The following LCLAT1 variants were observed in gnomAD, a reference collection of about 807,000 sequenced individuals.
LCLAT1 encodes the protein 1-AGP acyltransferase 8.
In LCLAT1, 11 loss-of-function variants were observed where a neutral mutation model predicts 30.7. The ratio of observed to expected loss-of-function variants is 0.36; its 90% CI spans 0.23 to 0.59. The LOEUF (loss-of-function observed/expected upper bound fraction) is 0.59. LCLAT1 is among the 20% of genes least tolerant of loss of function. The pLI is 0.77. For missense variants in LCLAT1, 402 were observed against 458.6 expected, an observed-to-expected ratio of 0.88 and a Z score of 1.13; for synonymous variants, 155 against 151.3, an observed-to-expected ratio of 1.02 and a Z score of -0.18.
Position 30,643,624 on chromosome 2 carries a change from A to G in LCLAT1, c.*3005A>G, listed in dbSNP as rs931690157. The G allele has an allele frequency of 9.8e-5, 15 of 152,668 alleles. No homozygotes were observed. Among genetic ancestry groups the G allele is most frequent in the African/African-American group, 3.1e-4 (13 of 41,532 alleles). The allele number at this position is 152,668 out of a possible 1,614,324, so 9.5% of individuals were successfully genotyped here. A position where few individuals can be genotyped will look rare whatever the true frequency, so the allele number is the denominator to read the frequency against. ...CCAAGACTCTGAACTCTGCAGAAAC[A>G]TTTGTTTCACCCAGACTTCAAACTC... On this transcript the variant is annotated 3_prime_UTR_variant, in exon 6 of 6. Transcript: ENST00000379509.
chr2:30,478,718 C>T (rs1306359525), intron 1 of LCLAT1, among the ~76,000 whole-genome samples: 1 of 145,430 alleles, frequency 6.9e-6, no homozygotes, highest in South Asian at 2.1e-4. Context: ...TAGGTAGATA[C>T]ATAAATTTAA....
chr2:30,505,995 G>C (rs761290427), intron 1 of LCLAT1, among the ~76,000 whole-genome samples: 3 of 152,004 alleles, frequency 2.0e-5, no homozygotes, highest in African/African-American at 4.8e-5. Context: ...GAATTACCAG[G>C]CTTGTTTATT....
At chr2:30,630,794 G>C (rs537176076) in intron 5 of LCLAT1, among the ~76,000 whole-genome samples, 18 of 152,172 alleles carry the variant, frequency 1.2e-4, no homozygotes, top group Admixed American at 6.5e-5. Flanking sequence ...CCTCATATGA[G>C]CCAAAATGTA....
intron 5 of LCLAT1, chr2:30,606,026 G>A: frequency 7.7e-7 from 1 of 1,299,084 alleles, no homozygotes; most frequent in Non-Finnish European, 1.0e-6. Context: ...GCAGGAGGCA[G>A]AGCGAGGGAA....
intron 1 of LCLAT1, among the ~76,000 whole-genome samples, chr2:30,507,134 A>G (rs1245357524): frequency 6.6e-6 from 1 of 152,054 alleles, no homozygotes; most frequent in Non-Finnish European, 1.5e-5. Context: ...CTTTAATTTT[A>G]TGTATTTGAT....
At chr2:30,535,432 C>T (rs1384526092) in intron 3 of LCLAT1, among the ~76,000 whole-genome samples, 3 of 152,218 alleles carry the variant, frequency 2.0e-5, no homozygotes, top group Non-Finnish European at 2.9e-5. Flanking sequence ...CGTGTGTTCA[C>T]CCCCCAGGGT....
At chr2:30,521,794 C>A (rs546408487) in intron 1 of LCLAT1, among the ~76,000 whole-genome samples, 1 of 151,818 alleles carries the variant, frequency 6.6e-6, no homozygotes, top group East Asian at 1.9e-4. Flanking sequence ...CATGAGCCAC[C>A]GCTGGACCAA....
chr2:30,598,073 A>AT (rs2148486591), intron 5 of LCLAT1, among the ~76,000 whole-genome samples: 1 of 152,276 alleles, frequency 6.6e-6, no homozygotes, highest in Non-Finnish European at 1.5e-5. Context: ...CTGCATCGAT[A>AT]TTCATCAGGG....
chr2:30,461,858 C>T (rs985084656), intron 1 of LCLAT1, among the ~76,000 whole-genome samples: 2 of 148,492 alleles, frequency 1.3e-5, no homozygotes, highest in African/African-American at 5.0e-5. Flanking sequence ...GCAAGCTCCG[C>T]CTCCCGGGTT....
intron 1 of LCLAT1, among the ~76,000 whole-genome samples, chr2:30,498,571 G>A (rs892663204): frequency 7.2e-5 from 11 of 152,130 alleles, no homozygotes; most frequent in African/African-American, 2.7e-4. Context: ...TTTGTTTGAA[G>A]GAGTTTTACC....
intron 5 of LCLAT1, among the ~76,000 whole-genome samples, chr2:30,581,173 G>T (rs933149740): frequency 2.0e-5 from 3 of 152,188 alleles, no homozygotes; most frequent in African/African-American, 4.8e-5. Flanking sequence ...TACAGAGCCA[G>T]TCTGGGCTCT....
intron 5 of LCLAT1, among the ~76,000 whole-genome samples, chr2:30,595,370 A>C (rs1396288174): frequency 1.3e-5 from 2 of 152,072 alleles, no homozygotes; most frequent in Non-Finnish European, 2.9e-5. Context: ...CATTCAGATC[A>C]CTAATGTCTT....
intron 1 of LCLAT1, among the ~76,000 whole-genome samples, chr2:30,448,270 T>C (rs1306949609): frequency 1.3e-5 from 2 of 152,244 alleles, no homozygotes; most frequent in Non-Finnish European, 1.5e-5. Context: ...ATTAACTTAT[T>C]TGTTCAAAGA....
intron 1 of LCLAT1, among the ~76,000 whole-genome samples, chr2:30,468,640 A>G (rs184535181): frequency 2.0e-5 from 3 of 152,296 alleles, no homozygotes; most frequent in Admixed American, 6.5e-5. Context: ...GTCTAGTTTC[A>G]AAACATTTTT....
intron 1 of LCLAT1, among the ~76,000 whole-genome samples, chr2:30,462,426 A>C (rs544703754): frequency 6.6e-6 from 1 of 152,352 alleles, no homozygotes; most frequent in East Asian, 1.9e-4. Flanking sequence ...CAGCTTCACT[A>C]AGCAGGTGTA....
At chr2:30,451,548 T>G (rs1681548943) in intron 1 of LCLAT1, among the ~76,000 whole-genome samples, 1 of 151,832 alleles carries the variant, frequency 6.6e-6, no homozygotes, top group African/African-American at 2.4e-5. Context: ...GTTTATAAGA[T>G]GAAACACTGC....
intron 1 of LCLAT1, among the ~76,000 whole-genome samples, chr2:30,487,150 C>T (rs901717232): frequency 6.6e-6 from 1 of 152,090 alleles, no homozygotes; most frequent in African/African-American, 2.4e-5. Context: ...GATGGTAGAC[C>T]TTTGGAAGAA....
intron 5 of LCLAT1, among the ~76,000 whole-genome samples, chr2:30,577,900 A>G (rs1666063260): frequency 6.6e-6 from 1 of 152,114 alleles, no homozygotes; most frequent in Admixed American, 6.6e-5. Context: ...ATATCTGAGT[A>G]TTGTTAAGTA....
chr2:30,587,372 G>A (rs761293253), intron 5 of LCLAT1, among the ~76,000 whole-genome samples: 6 of 151,984 alleles, frequency 3.9e-5, no homozygotes, highest in Non-Finnish European at 4.4e-5. Context: ...TTTCTCATGC[G>A]GTTACTGTAA....
Sources: allele counts gnomAD v4.1 joint callset (sites outside exome capture counted in the v4.1 genomes callset), GRCh38; gene constraint gnomAD v4.1.1; transcripts MANE v1.5; gene names NCBI Gene and HGNC (gene_info 2026-07-23, HGNC 2026-07-21).